The following TP63 variants were observed in gnomAD, a reference collection of about 807,000 sequenced individuals.
TP63 encodes the protein tumor protein 63.
A neutral mutation model predicts 82.8 loss-of-function variants in TP63; 17 were observed. The ratio of observed to expected loss-of-function variants is 0.21; its 90% confidence interval spans 0.14 to 0.31. The LOEUF (loss-of-function observed/expected upper bound fraction) is 0.31, where lower values mean the gene tolerates loss of function less well. TP63 is among the 10% of genes least tolerant of loss of function. The pLI is 1.00. For missense variants in TP63, 648 were observed against 895.3 expected, an observed-to-expected ratio of 0.72 and a Z score of 3.52; for synonymous variants, 330 against 321.7, an observed-to-expected ratio of 1.03 and a Z score of -0.28.
intron 1 of TP63, among the ~76,000 whole-genome samples, chr3:189,657,905 C>A (rs9830662): frequency 6.6e-6 from 1 of 151,768 alleles, no homozygotes; most frequent in Non-Finnish European, 1.5e-5. Flanking sequence ...AGGACTGGTA[C>A]AGAAGCAAGG....
intron 4 of TP63, among the ~76,000 whole-genome samples, chr3:189,812,119 T>G (rs2108648127): frequency 6.6e-6 from 1 of 152,326 alleles, no homozygotes. Context: ...TTTAGTACCA[T>G]TTTATCACTT....
intron 1 of TP63, among the ~76,000 whole-genome samples, chr3:189,724,081 A>G (rs142948711): frequency 6.7e-6 from 1 of 148,546 alleles, no homozygotes; most frequent in South Asian, 2.1e-4. Context: ...ATTGCAATAT[A>G]CCAGAAAGAA....
intron 4 of TP63, among the ~76,000 whole-genome samples, chr3:189,854,168 A>G (rs553856624): frequency 2.0e-5 from 3 of 152,262 alleles, no homozygotes; most frequent in African/African-American, 4.8e-5. Flanking sequence ...GCTAGCTCTC[A>G]TTTGTGGTTT....
At chr3:189,658,364 G>T (rs914426303) in intron 1 of TP63, among the ~76,000 whole-genome samples, 2 of 152,016 alleles carry the variant, frequency 1.3e-5, no homozygotes, top group African/African-American at 2.4e-5. Context: ...TCAAGCAGGT[G>T]AAGCCCTCAC....
At chr3:189,668,898 A>C (rs751248161) in intron 1 of TP63, among the ~76,000 whole-genome samples, 1 of 152,048 alleles carries the variant, frequency 6.6e-6, no homozygotes, top group Non-Finnish European at 1.5e-5. Flanking sequence ...CCCAGATTTC[A>C]TGAAAAACAT....
intron 1 of TP63, among the ~76,000 whole-genome samples, chr3:189,730,445 C>T (rs1274880381): frequency 6.6e-6 from 1 of 152,168 alleles, no homozygotes; most frequent in Non-Finnish European, 1.5e-5. Context: ...AAATATTCCT[C>T]TTAACTATGA....
At chr3:189,677,925 C>G (rs1361670846) in intron 1 of TP63, among the ~76,000 whole-genome samples, 1 of 151,678 alleles carries the variant, frequency 6.6e-6, no homozygotes, top group African/African-American at 2.4e-5. Context: ...GTACTTTGCC[C>G]GTTTTTTCAA....
chr3:189,619,241 T>A, the TP63 span, among the ~76,000 whole-genome samples: 13 of 152,226 alleles, frequency 8.5e-5, no homozygotes, highest in South Asian at 2.7e-3. Context: ...TAAAAGCATT[T>A]GAGAGGGGGG....
intron 1 of TP63, among the ~76,000 whole-genome samples, chr3:189,680,109 T>G (rs1715781575): frequency 6.6e-6 from 1 of 151,942 alleles, no homozygotes; most frequent in Non-Finnish European, 1.5e-5. Flanking sequence ...TAATTTTATG[T>G]TTTTTTTCTC....
chr3:189,688,041 T>C (rs1285243513), intron 1 of TP63, among the ~76,000 whole-genome samples: 3 of 151,538 alleles, frequency 2.0e-5, no homozygotes, highest in African/African-American at 7.3e-5. Context: ...CTATTACAGC[T>C]TTGTAATTCT....
chr3:189,659,400 T>C (rs116227946), intron 1 of TP63, among the ~76,000 whole-genome samples: 2,077 of 152,196 alleles, frequency 0.014, 54 homozygotes, highest in African/African-American at 0.048. Context: ...TTCTCTTTTA[T>C]GGCTGTGTAG....
Position 189,895,698 on chromosome 3 carries a change from T to C in TP63, c.*1196T>C, listed in dbSNP as rs1344122936. On this transcript the variant is annotated 3_prime_UTR_variant, in exon 14 of 14. Transcript: ENST00000264731. The stretch of plus-strand genomic sequence containing the variant: ...GATAATATTGTTTGGTAAATGTTTC[T>C]TTTGTTTGGTAAATGTTTCTTTTAA... The C allele has an allele frequency of 8.7e-6, 2 of 228,754 alleles. No homozygotes were observed. The highest frequency in any genetic ancestry group is 4.4e-5 in the African/African-American group (2 of 45,144). The allele number at this position is 228,754 out of a possible 1,614,324, so 14.2% of individuals were successfully genotyped here. A position where few individuals can be genotyped will look rare whatever the true frequency, so the allele number is the denominator to read the frequency against.
At chr3:189,700,242 G>T (rs896588067) in intron 1 of TP63, among the ~76,000 whole-genome samples, 2 of 152,148 alleles carry the variant, frequency 1.3e-5, no homozygotes, top group Non-Finnish European at 2.9e-5. Context: ...GCATTGTGAT[G>T]AGAGGAAAAG....
intron 1 of TP63, among the ~76,000 whole-genome samples, chr3:189,663,989 C>T (rs1188227954): frequency 1.3e-5 from 2 of 152,094 alleles, no homozygotes; most frequent in African/African-American, 2.4e-5. Flanking sequence ...CTACTAAGTG[C>T]TTTAGCGTAA....
chr3:189,604,857 G>T, the TP63 span, among the ~76,000 whole-genome samples: 3 of 152,134 alleles, frequency 2.0e-5, no homozygotes, highest in African/African-American at 7.2e-5. Context: ...GAAATAAACA[G>T]ATTGACTTTC....
chr3:189,654,977 T>A (rs1713208452), intron 1 of TP63, among the ~76,000 whole-genome samples: 1 of 152,192 alleles, frequency 6.6e-6, no homozygotes, highest in South Asian at 2.1e-4. Context: ...GGAACAGTTC[T>A]TGAACTATAT....
At chr3:189,613,674 T>C in the TP63 span, among the ~76,000 whole-genome samples, 1 of 152,196 alleles carries the variant, frequency 6.6e-6, no homozygotes, top group Admixed American at 6.5e-5. Flanking sequence ...CAGACACTCA[T>C]GAAAGCAGCT....
chr3:189,888,935 A>C (rs1187161478), intron 11 of TP63, among the ~76,000 whole-genome samples: 4 of 152,216 alleles, frequency 2.6e-5, no homozygotes, highest in African/African-American at 9.6e-5. Flanking sequence ...TGTGCCAGGC[A>C]CTGTGCTAGG....
chr3:189,606,416 C>G, the TP63 span, among the ~76,000 whole-genome samples: 1 of 151,528 alleles, frequency 6.6e-6, no homozygotes, highest in Non-Finnish European at 1.5e-5. Flanking sequence ...CAGAGCAGAG[C>G]TAGGCCTACA....
Sources: allele counts gnomAD v4.1 joint callset (sites outside exome capture counted in the v4.1 genomes callset), GRCh38; gene constraint gnomAD v4.1.1; transcripts MANE v1.5; gene names NCBI Gene and HGNC (gene_info 2026-07-23, HGNC 2026-07-21).